NTAQ1: variants seen among roughly 807,000 people sequenced by gnomAD.
The protein encoded by NTAQ1 is protein N-terminal glutamine amidohydrolase.
In NTAQ1, 21 loss-of-function variants were observed where a neutral mutation model predicts 28.2. The observed-to-expected ratio is 0.74, with a 90% CI of 0.53 to 1.07. The LOEUF is 1.07. Among genes scored for constraint, NTAQ1 ranks in the 50% least tolerant of loss-of-function variants. NTAQ1 has a pLI of 0.00. For synonymous variants in NTAQ1, 105 were observed against 90.0 expected, an observed-to-expected ratio of 1.17 and a Z score of -0.94; for missense variants, 264 against 256.6, an observed-to-expected ratio of 1.03 and a Z score of -0.20.
intron 1 of NTAQ1, among the ~76,000 whole-genome samples, chr8:123,420,104 C>A (rs1400457601): frequency 6.6e-6 from 1 of 152,054 alleles, no homozygotes; most frequent in Non-Finnish European, 1.5e-5. Context: ...TCTACTGTTT[C>A]CTTTTTTGTG....
At chr8:123,466,192 A>G (rs1815957452) in intron 6 of NTAQ1, among the ~76,000 whole-genome samples, 1 of 152,158 alleles carries the variant, frequency 6.6e-6, no homozygotes, top group Non-Finnish European at 1.5e-5. Flanking sequence ...AAAGATCCCA[A>G]GAAAAGTGCC....
intron 1 of NTAQ1, among the ~76,000 whole-genome samples, chr8:123,420,099 T>C (rs1411068641): frequency 6.6e-6 from 1 of 152,080 alleles, no homozygotes; most frequent in Non-Finnish European, 1.5e-5. Context: ...CCATGTCTAC[T>C]GTTTCCTTTT....
At chr8:123,469,713 T>C in exon 7 of NTAQ1, among the ~76,000 whole-genome samples, 1 of 152,220 alleles carries the variant, frequency 6.6e-6, no homozygotes, top group Non-Finnish European at 1.5e-5. Context: ...AGAGCAGCAG[T>C]TGTTTTACTA....
chr8:123,417,638 GCTT>G (rs1813381566), intron 1 of NTAQ1, among the ~76,000 whole-genome samples: 1 of 152,004 alleles, frequency 6.6e-6, no homozygotes, highest in African/African-American at 2.4e-5. Flanking sequence ...CTGAGTAATG[GCTT>G]CTTCCCCAGC....
At chr8:123,451,702 T>C (rs906555520), downstream of NTAQ1, among the ~76,000 whole-genome samples, 1 of 152,206 alleles carries the variant, frequency 6.6e-6, no homozygotes, top group African/African-American at 2.4e-5. Flanking sequence ...TTCTCCACTG[T>C]AATACAGTGT....
intron 5 of NTAQ1, chr8:123,438,264 TA>T (rs1814844295): frequency 2.9e-6 from 2 of 691,040 alleles, no homozygotes; most frequent in Admixed American, 4.1e-5. Context: ...CATTCCCACT[TA>T]GGGGTGAGAT....
chr8:123,463,952 T>C (rs888900101), intron 6 of NTAQ1, among the ~76,000 whole-genome samples: 1 of 152,202 alleles, frequency 6.6e-6, no homozygotes, highest in Admixed American at 6.5e-5. Flanking sequence ...GTTCTCATGA[T>C]AGTGAATACA....
Position 123,416,945 on chromosome 8 carries a change from G to C in NTAQ1, c.83+13G>C. 7 of 1,475,270 alleles carry C rather than the reference G, an allele frequency of 4.7e-6. No individual in the cohort carries two copies. The South Asian group carries it at 9.0e-5, about 19-fold the overall frequency. The allele number at this position is 1,475,270 out of a possible 1,614,324, so 91.4% of individuals were successfully genotyped here. ...GCAGCTGCTACTGGTGAGGGGGCGC[G>C]GGCGCAGCCTCTGGGTCTCCCAGGC... On this transcript the variant is annotated intron_variant, in intron 1 of 5. Transcript: ENST00000287387.
chr8:123,441,666 A>G lies in NTAQ1; in HGVS notation c.*251A>G. ...ATTCCTGTGGCTCATGCGTTACAACACGAGGACTTAAGCCAGTAATCGTTT... is the reference window on the plus strand; with the variant it reads ...ATTCCTGTGGCTCATGCGTTACAACGCGAGGACTTAAGCCAGTAATCGTTT... On this transcript the variant is annotated 3_prime_UTR_variant, in exon 6 of 6. Transcript: ENST00000287387. 4.2e-6 allele frequency: 2 copies of G among 472,356 alleles called. No individual in the cohort carries two copies. The highest frequency in any genetic ancestry group is 7.7e-6 in the Non-Finnish European group (2 of 260,700). 29.3% of individuals were successfully genotyped at this position (472,356 alleles called of 1,614,324 possible). A position where few individuals can be genotyped will look rare whatever the true frequency, so the allele number is the denominator to read the frequency against.
Position 123,416,817 on chromosome 8 carries a change from C to A in NTAQ1, c.-33C>A, listed in dbSNP as rs1267263614. On this transcript the variant is annotated 5_prime_UTR_variant, in exon 1 of 6. Coordinates refer to ENST00000287387, the MANE Select transcript of NTAQ1 (RefSeq NM_018024.3). ...CCTACGTCTGGTCCAGTCGGTCTTC[C>A]TCCGGCCCGGGCCCTGGCCCAGCTA... 2.6e-6 allele frequency: 4 copies of A among 1,519,190 alleles called. No individual in the cohort carries two copies. The highest frequency in any genetic ancestry group is 3.5e-6 in the Non-Finnish European group (4 of 1,134,154). 94.1% of individuals were successfully genotyped at this position (1,519,190 alleles called of 1,614,324 possible). A position where few individuals can be genotyped will look rare whatever the true frequency, so the allele number is the denominator to read the frequency against.
At chr8:123,434,330 A>G (rs1002291123) in intron 3 of NTAQ1, among the ~76,000 whole-genome samples, 1 of 152,114 alleles carries the variant, frequency 6.6e-6, no homozygotes, top group African/African-American at 2.4e-5. Flanking sequence ...GTGTGGTTCA[A>G]AAAAACTGAT....
chr8:123,447,606 C>T (rs993922105), intron 6 of NTAQ1, among the ~76,000 whole-genome samples: 2 of 151,956 alleles, frequency 1.3e-5, no homozygotes, highest in Non-Finnish European at 2.9e-5. Context: ...AGTAGTAGAG[C>T]CAGGATTCAA....
intron 1 of NTAQ1, among the ~76,000 whole-genome samples, chr8:123,425,666 T>C (rs1168315327): frequency 2.0e-5 from 3 of 152,230 alleles, no homozygotes; most frequent in East Asian, 3.9e-4. Flanking sequence ...GTGACCATCC[T>C]CAGGGCTGTT....
chr8:123,471,834 AC>A (rs1462603411), downstream of NTAQ1, among the ~76,000 whole-genome samples: 1 of 152,062 alleles, frequency 6.6e-6, no homozygotes, highest in Non-Finnish European at 1.5e-5. Flanking sequence ...ATCCAAAAAC[AC>A]TCTCACACAA....
chr8:123,460,751 A>G (rs1322710639), intron 6 of NTAQ1, among the ~76,000 whole-genome samples: 1 of 152,196 alleles, frequency 6.6e-6, no homozygotes, highest in Admixed American at 6.5e-5. Context: ...GGAGACCTGC[A>G]TGCAGTGGCA....
intron 3 of NTAQ1, among the ~76,000 whole-genome samples, chr8:123,431,734 C>T (rs1814407072): frequency 6.6e-6 from 1 of 152,214 alleles, no homozygotes; most frequent in Non-Finnish European, 1.5e-5. Flanking sequence ...TATTTACCCT[C>T]TGTCTTCAGT....
downstream of NTAQ1, among the ~76,000 whole-genome samples, chr8:123,449,974 T>TATATATATATATATATATATGAGA (rs371673968): frequency 1.8e-5 from 1 of 56,084 alleles, no homozygotes; most frequent in African/African-American, 7.0e-5. Flanking sequence ...TATATATATA[T>TATATATATATATATATATATGAGA]GCTGGATAAA....
intron 6 of NTAQ1, among the ~76,000 whole-genome samples, chr8:123,463,466 A>T (rs545518576): frequency 6.6e-6 from 1 of 152,208 alleles, no homozygotes; most frequent in African/African-American, 2.4e-5. Context: ...TTGATTTGCC[A>T]TGCTTTATTA....
intron 5 of NTAQ1, 23 bp from the exon 6 acceptor site, chr8:123,441,283 T>A: frequency 6.3e-7 from 1 of 1,578,006 alleles, no homozygotes; most frequent in Non-Finnish European, 8.6e-7. Flanking sequence ...CAGTGGACAT[T>A]TTTTTTTCAT....
Sources: gnomAD v4.1 joint callset for allele counts (sites outside exome capture counted in the v4.1 genomes callset) on GRCh38, gnomAD v4.1.1 for gene constraint, MANE v1.5 for transcripts, NCBI Gene and HGNC (gene_info 2026-07-23, HGNC 2026-07-21) for gene names.